Variants in BBOF1 observed in about 807,000 individuals in gnomAD.
The protein encoded by BBOF1 is basal body-orientation factor 1.
In BBOF1, 62 loss-of-function variants were observed where a neutral mutation model predicts 68.0. The ratio of observed to expected loss-of-function variants is 0.91; its 90% confidence interval spans 0.74 to 1.13. BBOF1 has a LOEUF of 1.13. BBOF1 is among the 50% of genes most tolerant of loss of function. The pLI, the probability that BBOF1 is intolerant of heterozygous loss-of-function variation, is 0.00. For missense variants in BBOF1, 534 were observed against 600.1 expected, an observed-to-expected ratio of 0.89 and a Z score of 1.15; for synonymous variants, 208 against 198.8, an observed-to-expected ratio of 1.05 and a Z score of -0.39.
chr14:74,056,973 G>T lies in BBOF1; in HGVS notation c.1456G>T (p.Glu486Ter). Residue 486 changes from glutamate to a stop codon, truncating the protein, a stop_gained, in exon 10 of 12, where the codon GAA becomes TAA. Transcript: ENST00000394009. LOFTEE classifies it high-confidence loss of function. ...TGTTTCTGACAGTGGGGAAACAAAG[G>T]AATTTGGGTAAGAGCTCTCTTGCTT... ...YVVSDSGETK[E>*]FGDESKLQDK... The T allele has an allele frequency of 6.2e-7, 1 of 1,613,418 alleles. No individual in the cohort carries two copies. The highest frequency in any genetic ancestry group is 1.1e-5 in the South Asian group (1 of 91,044).
At chr14:74,072,892 C>T (rs932416840) in intron 9 of BBOF1, among the ~76,000 whole-genome samples, 5 of 151,494 alleles carry the variant, frequency 3.3e-5, no homozygotes, top group East Asian at 1.9e-4. Context: ...CTCTGATTCC[C>T]GGGTTCGAGC....
Position 74,049,951 on chromosome 14 carries a change from C to G in BBOF1, c.1042C>G (p.Leu348Val), listed in dbSNP as rs766819766. Residue 348 changes from leucine (L) to valine (V), a missense_variant, in exon 8 of 12, where the codon CTG becomes GTG. Physicochemically the swap from Leu to Val is conservative, Grantham distance 32. Transcript: ENST00000394009. The part of the protein sequence containing the change: ...KDREMNRVKK[L>V]AKNILDERTE... ...CAGGGAAATGAATCGTGTGAAGAAG[C>G]TGGCCAAGAACATACTGGATGAGAG... The G allele has an allele frequency of 2.5e-6, 4 of 1,614,152 alleles. No homozygotes were observed. The highest frequency in any genetic ancestry group is 1.6e-4 in the Middle Eastern group (1 of 6,062).
In BBOF1 at chr14:74,071,900, G is replaced by A. The variant is rs1398007173; in HGVS notation, n.1380-6296G>A. Reference sequence around the variant, plus strand: ...CATAAGGGGCTCCCAGCTTACGAAGGCCTCGAAATACATCTCCTTCAGCAT... The same window carrying A: ...CATAAGGGGCTCCCAGCTTACGAAGACCTCGAAATACATCTCCTTCAGCAT... On this transcript the variant is annotated intron_variant and non_coding_transcript_variant, in intron 9 of 12. Transcript: ENST00000492026. 2.5e-6 allele frequency: 4 copies of A among 1,614,044 alleles called. No individual in the cohort carries two copies. In the African/African-American group the frequency reaches 5.3e-5, roughly 22 times the overall value.
chr14:74,064,778 A>C lies in BBOF1; in HGVS notation c.*79A>C, dbSNP rs1348652267. 1 of 1,611,586 alleles carries C rather than the reference A, an allele frequency of 6.2e-7. No homozygotes were observed. The highest frequency in any genetic ancestry group is 1.3e-5 in the African/African-American group (1 of 74,858). Reference sequence around the variant, plus strand: ...TCCTTGCTCCTGAATATCTTTAAGAAAATTTCTTAAAGGAAAAGACAAAAA... The same window carrying C: ...TCCTTGCTCCTGAATATCTTTAAGACAATTTCTTAAAGGAAAAGACAAAAA... On this transcript the variant is annotated 3_prime_UTR_variant, in exon 12 of 12. Coordinates refer to ENST00000394009, the MANE Select transcript of BBOF1 (RefSeq NM_025057.3).
intron 1 of BBOF1, among the ~76,000 whole-genome samples, chr14:74,021,997 A>C (rs142891135): frequency 3.2e-4 from 49 of 152,236 alleles, no homozygotes; most frequent in African/African-American, 1.1e-3. Flanking sequence ...CATCATGCAG[A>C]AACTGAACAG....
chr14:74,068,744 AAAAG>A (rs1292621468), downstream of BBOF1: 75 of 1,302,612 alleles, frequency 5.8e-5, no homozygotes, highest in East Asian at 2.4e-4. Context: ...TGTCTCAAAA[AAAAG>A]AAAGAAACAC....
At chr14:74,068,632 A>T (rs894430662), downstream of BBOF1, among the ~76,000 whole-genome samples, 3 of 151,694 alleles carry the variant, frequency 2.0e-5, no homozygotes, top group African/African-American at 7.3e-5. Flanking sequence ...ATTCCCAGCT[A>T]CTCGGGAGGC....
rs12147048 is a variant in BBOF1, at chr14:74,058,987, G to A, written c.1578+1729G>A. The A allele has an allele frequency of 1.4e-3, 222 of 156,026 alleles. No individual in the cohort carries two copies. The highest frequency in any genetic ancestry group is 2.5e-3 in the Non-Finnish European group (176 of 71,344). 9.7% of individuals were successfully genotyped at this position (156,026 alleles called of 1,614,324 possible). ...AAATCCCAGCTACTCAGGAGGCTGA[G>A]GCAGGAGAATTGCTTGAACCCGGGA... On this transcript the variant is annotated intron_variant, in intron 11 of 11. Transcript: ENST00000394009.
intron 4 of BBOF1, among the ~76,000 whole-genome samples, chr14:74,036,978 T>C (rs892540040): frequency 1.0e-4 from 15 of 143,352 alleles, no homozygotes; most frequent in Non-Finnish European, 1.8e-4. Flanking sequence ...TTTTTCTTTT[T>C]TTTTTTTTTT....
intron 9 of BBOF1, chr14:74,071,728 A>G (rs1221796410): frequency 2.8e-6 from 4 of 1,453,470 alleles, no homozygotes; most frequent in Non-Finnish European, 3.8e-6. Context: ...GAGTAAAGTA[A>G]ATCAGTCTTA....
chr14:74,071,370 G>A (rs748815029), intron 9 of BBOF1: 5 of 1,614,138 alleles, frequency 3.1e-6, no homozygotes, highest in Non-Finnish European at 4.2e-6. Flanking sequence ...CAGGAAAATT[G>A]AATGGAGCAA....
At chr14:74,023,273 A>C in intron 2 of BBOF1, 129 bp downstream of exon 2, 1 of 544,068 alleles carries the variant, frequency 1.8e-6, no homozygotes, top group Non-Finnish European at 3.3e-6. Flanking sequence ...AATTGACCTT[A>C]ACTCTGTTTG....
At chr14:74,021,306 C>T (rs936980102) in intron 1 of BBOF1, among the ~76,000 whole-genome samples, 4 of 151,986 alleles carry the variant, frequency 2.6e-5, no homozygotes, top group East Asian at 1.9e-4. Flanking sequence ...CCTTAAAGCC[C>T]GGTGGGTGGG....
chr14:74,056,190 C>G (rs2060198023), intron 9 of BBOF1, among the ~76,000 whole-genome samples: 2 of 144,672 alleles, frequency 1.4e-5, no homozygotes, highest in South Asian at 4.7e-4. Flanking sequence ...TGCCACAACG[C>G]CCGGCTAATT....
intron 3 of BBOF1, among the ~76,000 whole-genome samples, chr14:74,033,396 CA>C (rs2059621686): frequency 6.6e-6 from 1 of 151,592 alleles, no homozygotes; most frequent in African/African-American, 2.4e-5. Context: ...CGTGAAACCC[CA>C]TCTCTACTAA....
In BBOF1 at chr14:74,039,585, C is replaced by A. The variant is rs1033141570; in HGVS notation, c.496-980C>A. Among the ~76,000 whole-genome samples, 3 of 140,172 alleles carry A rather than the reference C, an allele frequency of 2.1e-5. 1 individual carries two copies. Among genetic ancestry groups the A allele is most frequent in the South Asian group, 5.1e-4 (2 of 3,906 alleles). 92.0% of individuals were successfully genotyped at this position (140,172 alleles called of 152,430 possible). A position where few individuals can be genotyped will look rare whatever the true frequency, so the allele number is the denominator to read the frequency against. Reference sequence around the variant, plus strand: ...CTGGGATTACAGGCATGTGGCATCACGCCTGGCTAATTTTTTTTTTTTTTG... The same window carrying A: ...CTGGGATTACAGGCATGTGGCATCAAGCCTGGCTAATTTTTTTTTTTTTTG... On this transcript the variant is annotated intron_variant, in intron 4 of 11. Transcript: ENST00000394009.
At chr14:74,028,827 G>T (rs1416956971) in intron 2 of BBOF1, among the ~76,000 whole-genome samples, 1 of 151,848 alleles carries the variant, frequency 6.6e-6, no homozygotes, top group Non-Finnish European at 1.5e-5. Flanking sequence ...TCCTGCCTCA[G>T]CCTCCTGAGT....
intron 6 of BBOF1, among the ~76,000 whole-genome samples, chr14:74,046,601 G>C (rs767471464): frequency 6.6e-5 from 10 of 152,148 alleles, no homozygotes; most frequent in Admixed American, 2.0e-4. Context: ...TCGAACTCCT[G>C]ACCTCAAGTT....
chr14:74,071,334 G>A (rs754575048), intron 9 of BBOF1: 6 of 1,614,164 alleles, frequency 3.7e-6, no homozygotes, highest in South Asian at 2.2e-5. Context: ...CCATGGCCAT[G>A]GGAAACATCC....
Sources: allele counts gnomAD v4.1 joint callset (sites outside exome capture counted in the v4.1 genomes callset), GRCh38; gene constraint gnomAD v4.1.1; transcripts MANE v1.5; gene names NCBI Gene and HGNC (gene_info 2026-07-23, HGNC 2026-07-21).